MUC5B: variants seen among roughly 807,000 people sequenced by gnomAD.
The protein encoded by MUC5B is mucin-5B.
In MUC5B, 116 loss-of-function variants were observed where a neutral mutation model predicts 376.9. The observed-to-expected ratio is 0.31, with a 90% confidence interval of 0.26 to 0.36. The LOEUF is 0.36. Ranked by LOEUF, MUC5B falls within the 10% of genes least tolerant of loss-of-function variation. The probability of loss-of-function intolerance (pLI) is 1.00; values close to 1 mark genes in which losing one functional copy is unlikely to be tolerated. For missense variants in MUC5B, 7,165 were observed against 7,769.9 expected, an observed-to-expected ratio of 0.92 and a Z score of 2.93; for synonymous variants, 3,517 against 3,390.9, an observed-to-expected ratio of 1.04 and a Z score of -1.29.
chr11:1,250,855 G>T lies in MUC5B; in HGVS notation c.13975G>T (p.Val4659Leu), dbSNP rs373632480. The stretch of plus-strand genomic sequence containing the variant: ...AGTGCTGACCACCACCACCACAACT[G>T]TGGCCACTGGTTCTATGGCAACACC... ...ARVLTTTTTT[V>L]ATGSMATPSS... is the part of the protein sequence containing the mutation. The change falls in exon 31 of 49, where the codon GTG becomes TTG. Residue 4659 changes from valine to leucine, a missense_variant. Physicochemically the swap from Val to Leu is conservative, Grantham distance 32. This residue lies in a region of MUC5B where 730 missense variants were observed against 592.7 expected (regional missense o/e 1.23). Transcript: ENST00000529681. 1.8e-5 allele frequency: 29 copies of T among 1,605,520 alleles called. No individual in the cohort carries two copies. The highest frequency in any genetic ancestry group is 2.4e-5 in the Non-Finnish European group (28 of 1,176,348).
In MUC5B at chr11:1,234,732, G is replaced by T; in HGVS notation, c.2630+52G>T. 1.1e-6 allele frequency: 1 copy of T among 876,796 alleles called. No individual in the cohort carries two copies. Among genetic ancestry groups the T allele is most frequent in the Non-Finnish European group, 1.7e-6 (1 of 601,448 alleles). The allele number at this position is 876,796 out of a possible 1,614,324, so 54.3% of individuals were successfully genotyped here. A position where few individuals can be genotyped will look rare whatever the true frequency, so the allele number is the denominator to read the frequency against. On this transcript the variant is annotated intron_variant, in intron 21 of 48. Coordinates refer to ENST00000529681, the MANE Select transcript of MUC5B (RefSeq NM_002458.3). The surrounding 1 kb of genome is among the most constrained non-coding windows in gnomAD (Gnocchi z 6.3). ...CAGGTGGGGAGGGCGGGGGCGGGGA[G>T]GGCAGCGGGTGGGGAGGCAGCGGGC...
chr11:1,227,017 C>T lies in MUC5B; in HGVS notation c.462-14C>T, dbSNP rs1256236382. On this transcript the variant is annotated splice_polypyrimidine_tract_variant and intron_variant, in intron 4 of 48. Transcript: ENST00000529681. ...GAGAGCGGGGCCCAGGGAGAGACCC[C>T]GCTGTCTGCGCAGGGAGGAGCTGCC... 30 of 1,599,600 alleles carry T rather than the reference C, an allele frequency of 1.9e-5. No individual in the cohort carries two copies. Among genetic ancestry groups the T allele is most frequent in the African/African-American group, 4.0e-5 (3 of 74,680 alleles).
At chr11:1,231,203 C>A (rs1167540063) in intron 13 of MUC5B, among the ~76,000 whole-genome samples, 198 bp downstream of exon 13, 1 of 152,180 alleles carries the variant, frequency 6.6e-6, no homozygotes, top group African/African-American at 2.4e-5. Context: ...GACCCCACAT[C>A]CAGCTCGCTC....
In MUC5B at chr11:1,240,252, G is replaced by A. The variant is rs758632640; in HGVS notation, c.3847G>A (p.Ala1283Thr). 2.5e-6 allele frequency: 4 copies of A among 1,613,662 alleles called. No homozygotes were observed. In the Admixed American group the frequency reaches 5.0e-5, roughly 20 times the overall value. ...CTACAACACCACCGATGGGCTTGGC[G>A]CCTGCTTGATCGCCATCTGCGGAAG... ...VIYNTTDGLG[A>T]CLIAICGSNG... Residue 1283 changes from alanine (A) to threonine (T), a missense_variant, in exon 30 of 49, where the codon GCC becomes ACC. Transcript: ENST00000529681.
In MUC5B at chr11:1,250,108, A is replaced by C; in HGVS notation, c.13228A>C (p.Thr4410Pro). Residue 4410 changes from threonine (T) to proline (P), a missense_variant, in exon 31 of 49, where the codon ACC becomes CCC. Transcript: ENST00000529681. ...AACTGCAGCCACTGGCCCCACGGCC[A>C]CCCCGTCCTCCACCCCAGGGACCAC... ...TTTAATGPTATPSSTPGTTWI... is the reference protein window; with the variant it reads ...TTTAATGPTAPPSSTPGTTWI... 1 of 1,593,980 alleles carries C rather than the reference A, an allele frequency of 6.3e-7. No individual in the cohort carries two copies.
In MUC5B at chr11:1,259,058, C is replaced by T. The variant is rs960645805; in HGVS notation, c.16710C>T (p.Pro5570=). 1 of 1,548,670 alleles carries T rather than the reference C, an allele frequency of 6.5e-7. No individual in the cohort carries two copies. Among genetic ancestry groups the T allele is most frequent in the Non-Finnish European group, 8.7e-7 (1 of 1,146,480 alleles). The change falls in exon 44 of 49, where the codon CCC becomes CCT. Residue 5570 remains proline (P), a synonymous_variant. Transcript: ENST00000529681. ...QEDACNNTTC[P]QGFEYKRVAG... ...ATGCCTGCAACAATACTACCTGTCC[C>T]CAGGTGAGACCCGAGGCACCTGCCC...
At position 1,243,706 on chromosome 11, in the gene MUC5B, A is replaced by G; in HGVS notation, c.6826A>G (p.Thr2276Ala). The change falls in exon 31 of 49, where the codon ACC (threonine) becomes GCC (alanine). Residue 2276 changes from threonine to alanine, a missense_variant. Physicochemically the swap from Thr to Ala is moderately conservative, Grantham distance 58. Coordinates refer to ENST00000529681, the MANE Select transcript of MUC5B (RefSeq NM_002458.3). Reference sequence around the variant, plus strand: ...TCCAGGGACGACCACCCCGGGCCACACCACGGCCACCTCCAGGACCACAGC... The same window carrying G: ...TCCAGGGACGACCACCCCGGGCCACGCCACGGCCACCTCCAGGACCACAGC... ...PSPGTTTPGH[T>A]TATSRTTATA... 2 of 1,611,208 alleles carry G rather than the reference A, an allele frequency of 1.2e-6. No homozygotes were observed. The highest frequency in any genetic ancestry group is 1.3e-5 in the African/African-American group (1 of 74,706).
chr11:1,259,272 G>C (rs1486877580), intron 44 of MUC5B, among the ~76,000 whole-genome samples: 1 of 147,604 alleles, frequency 6.8e-6, no homozygotes, highest in East Asian at 2.0e-4. Context: ...CCTGCCCCCA[G>C]GTGAGACCTG....
Position 1,244,791 on chromosome 11 carries a change from C to G in MUC5B, c.7911C>G (p.Thr2637=). The change falls in exon 31 of 49, where the codon ACC becomes ACG. Residue 2637 remains threonine, a synonymous_variant. Transcript: ENST00000529681. ...CGCTTCCAGTGTGGATCAGCACAAC[C>G]ACCACACCCACAACCAGAGGTTCCA... is the stretch of plus-strand genomic sequence containing the variant. ...ARTLPVWIST[T]TTPTTRGSTV... The G allele has an allele frequency of 1.2e-6, 2 of 1,612,626 alleles. No individual in the cohort carries two copies. The highest frequency in any genetic ancestry group is 1.1e-5 in the South Asian group (1 of 91,004).
In MUC5B at chr11:1,248,416, G is replaced by A. The variant is rs747464471; in HGVS notation, c.11536G>A (p.Ala3846Thr). 2.1e-5 allele frequency: 34 copies of A among 1,610,668 alleles called. No individual in the cohort carries two copies. The East Asian group carries it at 7.6e-4, about 36-fold the overall frequency. The change falls in exon 31 of 49, where the codon GCC becomes ACC. Residue 3846 changes from alanine (A) to threonine (T), a missense_variant. Ala to Thr is a moderately conservative substitution (Grantham distance 58, BLOSUM62 0). Coordinates refer to ENST00000529681, the MANE Select transcript of MUC5B (RefSeq NM_002458.3). Reference protein sequence around the residue: ...VLTTTATTTRATGSVATPSST... With the variant: ...VLTTTATTTRTTGSVATPSST... Reference sequence around the variant, plus strand: ...TACCACCACGGCCACCACAACCAGGGCCACCGGCTCTGTGGCCACCCCCTC... The same window carrying A: ...TACCACCACGGCCACCACAACCAGGACCACCGGCTCTGTGGCCACCCCCTC...
chr11:1,241,385 C>A lies in MUC5B; in HGVS notation c.4505C>A (p.Thr1502Asn). Residue 1502 changes from threonine (T) to asparagine (N), a missense_variant, in exon 31 of 49, where the codon ACC becomes AAC. Coordinates refer to ENST00000529681, the MANE Select transcript of MUC5B (RefSeq NM_002458.3). ...ACCCCCTCGGCCCCAGGTACCACCA[C>A]CTGCCAGCCCCGGTGTCAGTGGACA... ...TVTPSAPGTTTCQPRCQWTEW... is the reference protein window; with the variant it reads ...TVTPSAPGTTNCQPRCQWTEW... The A allele has an allele frequency of 6.2e-7, 1 of 1,613,674 alleles. No individual in the cohort carries two copies. Among genetic ancestry groups the A allele is most frequent in the South Asian group, 1.1e-5 (1 of 91,056 alleles).
chr11:1,226,889 C>G lies in MUC5B; in HGVS notation c.461+13C>G. On this transcript the variant is annotated intron_variant, in intron 4 of 48. Transcript: ENST00000529681. The stretch of plus-strand genomic sequence containing the variant: ...TCAATGGGCAGCGGTGAGCCGGCCA[C>G]CCTGGGGAGGGGCGAGGGCCGGGCC... The G allele has an allele frequency of 6.2e-7, 1 of 1,603,414 alleles. No homozygotes were observed. The highest frequency in any genetic ancestry group is 2.2e-5 in the East Asian group (1 of 44,770).
chr11:1,257,493 T>G lies in MUC5B; in HGVS notation c.16270-37T>G. On this transcript the variant is annotated intron_variant, in intron 40 of 48. Transcript: ENST00000529681. This position sits in a 1 kb window ranked among gnomAD's most constrained non-coding sequence, Gnocchi z 8.9. ...GATGCCCAGGGTTGACCTGTGTCTG[T>G]CCAGGAGCCCTCAGGGACCCCCTTG... 6.3e-7 allele frequency: 1 copy of G among 1,598,992 alleles called. No homozygotes were observed. Among genetic ancestry groups the G allele is most frequent in the Non-Finnish European group, 8.5e-7 (1 of 1,173,126 alleles).
Position 1,255,165 on chromosome 11 carries a change from G to A in MUC5B, c.15789G>A (p.Pro5263=), listed in dbSNP as rs55760402. The change falls in exon 36 of 49, where the codon CCG becomes CCA. Residue 5263 remains proline (P), a synonymous_variant. Coordinates refer to ENST00000529681, the MANE Select transcript of MUC5B (RefSeq NM_002458.3). ...GCAGAAAGGATGGCTGCTGGGCCCC[G>A]ACTGGCACACCCCCCACTGCCAGCC... ...PDSRKDGCWA[P]TGTPPTASPA... 5,000 of 1,560,572 alleles carry A rather than the reference G, an allele frequency of 3.2e-3. 122 individuals carry two copies. The African/African-American group carries it at 0.06, about 19-fold the overall frequency.
chr11:1,245,984 C>G lies in MUC5B; in HGVS notation c.9104C>G (p.Thr3035Ser). Reference protein sequence around the residue: ...LTSTATTPTATSSKATSSSSP... With the variant: ...LTSTATTPTASSSKATSSSSP... ...AGCACGGCCACCACACCCACAGCCA[C>G]CAGTTCCAAAGCCACTTCCTCCTCC... The change falls in exon 31 of 49, where the codon ACC becomes AGC. Residue 3035 changes from threonine to serine, a missense_variant. Physicochemically the swap from Thr to Ser is moderately conservative, Grantham distance 58. Coordinates refer to ENST00000529681, the MANE Select transcript of MUC5B (RefSeq NM_002458.3). 6.2e-7 allele frequency: 1 copy of G among 1,612,474 alleles called. No homozygotes were observed.
rs1862337973 is a variant in MUC5B, at chr11:1,243,111, C to T, written c.6231C>T (p.Ile2077=). ...PGTALTPPVW[I]STTTTPTTRG... Reference sequence around the variant, plus strand: ...CGGCACTCACGCCTCCAGTGTGGATCAGCACAACCACCACACCCACAACCA... The same window carrying T: ...CGGCACTCACGCCTCCAGTGTGGATTAGCACAACCACCACACCCACAACCA... Residue 2077 remains isoleucine, a synonymous_variant, in exon 31 of 49, where the codon ATC becomes ATT. Coordinates refer to ENST00000529681, the MANE Select transcript of MUC5B (RefSeq NM_002458.3). The T allele has an allele frequency of 1.2e-6, 2 of 1,610,206 alleles. No individual in the cohort carries two copies. Among genetic ancestry groups the T allele is most frequent in the Admixed American group, 1.7e-5 (1 of 59,726 alleles).
In MUC5B at chr11:1,251,016, G is replaced by A. The variant is rs115045504; in HGVS notation, c.14136G>A (p.Thr4712=). 1.5e-3 allele frequency: 2,398 copies of A among 1,609,710 alleles called. 45 individuals are homozygous for A. The African/African-American group carries it at 0.028, about 19-fold the overall frequency. ...CCATCACCCCAGTGCTGACCAGCACGGCCACCACACCCGCAGCCACCAGCT... is the reference window on the plus strand; with the variant it reads ...CCATCACCCCAGTGCTGACCAGCACAGCCACCACACCCGCAGCCACCAGCT... ...TTPITPVLTS[T]ATTPAATSSK... Residue 4712 remains threonine, a synonymous_variant, in exon 31 of 49, where the codon ACG becomes ACA. Coordinates refer to ENST00000529681, the MANE Select transcript of MUC5B (RefSeq NM_002458.3).
intron 25 of MUC5B, 106 bp from the exon 26 acceptor site, chr11:1,238,765 G>A: frequency 1.6e-6 from 2 of 1,238,136 alleles, no homozygotes; most frequent in Non-Finnish European, 2.3e-6. Context: ...AGCTGCCATG[G>A]GGGGTGTTGA....
Position 1,234,751 on chromosome 11 carries a change from A to G in MUC5B, c.2630+71A>G. The G allele has an allele frequency of 9.6e-6, 1 of 104,652 alleles. No individual in the cohort carries two copies. Among genetic ancestry groups the G allele is most frequent in the Non-Finnish European group, 1.7e-5 (1 of 57,958 alleles). The allele number at this position is 104,652 out of a possible 1,614,324, so 6.5% of individuals were successfully genotyped here. On this transcript the variant is annotated intron_variant, in intron 21 of 48. Transcript: ENST00000529681. This position sits in a 1 kb window ranked among gnomAD's most constrained non-coding sequence, Gnocchi z 6.3. ...CGGGGAGGGCAGCGGGTGGGGAGGC[A>G]GCGGGCAGGGAGGGCAGGGGGCGGG...
Sources: allele counts gnomAD v4.1 joint callset (sites outside exome capture counted in the v4.1 genomes callset), GRCh38; gene constraint gnomAD v4.1.1; regional missense constraint gnomAD v4.1.1; non-coding constraint Gnocchi (gnomAD v3.1); transcripts MANE v1.5; gene names NCBI Gene and HGNC (gene_info 2026-07-23, HGNC 2026-07-21).